DRC11: variants seen among roughly 807,000 people sequenced by gnomAD.
DRC11 encodes dynein regulatory complex subunit 11, also known as IQ and AAA domain-containing protein 1.
chr2:236,434,834 G>C, the DRC11 span, among the ~76,000 whole-genome samples: 1 of 152,112 alleles, frequency 6.6e-6, no homozygotes, highest in Non-Finnish European at 1.5e-5. The surrounding 1 kb of genome is among the most constrained non-coding windows in gnomAD (Gnocchi z 5.5). Flanking sequence ...CTGGATGCTT[G>C]CCATGGACTT....
At chr2:236,487,900 G>C in the DRC11 span, 2 of 691,856 alleles carry the variant, frequency 2.9e-6, no homozygotes, top group Non-Finnish European at 4.5e-6. Context: ...TTAAGGGTAG[G>C]ATTTGGTGTT....
the DRC11 span, among the ~76,000 whole-genome samples, chr2:236,479,547 T>C: frequency 1.3e-5 from 2 of 152,202 alleles, no homozygotes; most frequent in African/African-American, 4.8e-5. The surrounding 1 kb of genome is among the most constrained non-coding windows in gnomAD (Gnocchi z 4.1). Flanking sequence ...CAACAAGTCA[T>C]ATAAGTTATT....
the DRC11 span, among the ~76,000 whole-genome samples, chr2:236,343,285 G>A: frequency 2.5e-4 from 38 of 152,276 alleles, no homozygotes; most frequent in Non-Finnish European, 4.9e-4. The surrounding 1 kb of genome is among the most constrained non-coding windows in gnomAD (Gnocchi z 6.6). Context: ...GAACATTCCC[G>A]TTCCCCTTGC....
chr2:236,408,377 T>G, the DRC11 span: 3 of 751,736 alleles, frequency 4.0e-6, no homozygotes, highest in South Asian at 2.7e-5. The surrounding 1 kb of genome is among the most constrained non-coding windows in gnomAD (Gnocchi z 5.5). Flanking sequence ...TGTCAATGAC[T>G]TGTGACCCCT....
the DRC11 span, among the ~76,000 whole-genome samples, chr2:236,473,320 T>G: frequency 6.6e-6 from 1 of 152,174 alleles, no homozygotes; most frequent in Non-Finnish European, 1.5e-5. The surrounding 1 kb of genome is among the most constrained non-coding windows in gnomAD (Gnocchi z 4.8). Flanking sequence ...CCAAACAGAG[T>G]CTCGGGAGAG....
chr2:236,493,913 A>G, the DRC11 span: 4 of 1,562,702 alleles, frequency 2.6e-6, no homozygotes, highest in African/African-American at 4.1e-5. Flanking sequence ...AATAAAAAAG[A>G]GTATTTCCGT....
chr2:236,378,018 C>T, the DRC11 span, among the ~76,000 whole-genome samples: 1 of 152,200 alleles, frequency 6.6e-6, no homozygotes, highest in Non-Finnish European at 1.5e-5. Context: ...ATTGTAAATA[C>T]AACTTTATTT....
the DRC11 span, among the ~76,000 whole-genome samples, chr2:236,437,570 T>G: frequency 6.7e-6 from 1 of 150,328 alleles, no homozygotes; most frequent in Non-Finnish European, 1.5e-5. Context: ...AGTGTAAAAG[T>G]GTTCCTATTT....
the DRC11 span, among the ~76,000 whole-genome samples, chr2:236,370,890 C>G: frequency 3.9e-5 from 6 of 152,086 alleles, no homozygotes; most frequent in Non-Finnish European, 8.8e-5. This position sits in a 1 kb window ranked among gnomAD's most constrained non-coding sequence, Gnocchi z 5.5. Flanking sequence ...TTTGCATCCT[C>G]TGGCTCTGTT....
At chr2:236,401,688 G>A in the DRC11 span, among the ~76,000 whole-genome samples, 2 of 151,106 alleles carry the variant, frequency 1.3e-5, no homozygotes, top group South Asian at 4.2e-4. This position sits in a 1 kb window ranked among gnomAD's most constrained non-coding sequence, Gnocchi z 4.6. Context: ...CACAGTGTAT[G>A]ATCCCGTTTA....
chr2:236,431,838 T>A, the DRC11 span, among the ~76,000 whole-genome samples: 3 of 152,226 alleles, frequency 2.0e-5, no homozygotes, highest in African/African-American at 7.2e-5. The surrounding 1 kb of genome is among the most constrained non-coding windows in gnomAD (Gnocchi z 4.2). Flanking sequence ...CCAGTTGATA[T>A]GTATTTAAGC....
the DRC11 span, among the ~76,000 whole-genome samples, chr2:236,402,926 T>TTA: frequency 1.3e-5 from 2 of 152,196 alleles, no homozygotes; most frequent in Admixed American, 1.3e-4. The surrounding 1 kb of genome is among the most constrained non-coding windows in gnomAD (Gnocchi z 6.0). Context: ...CTCAGATATA[T>TTA]TATTTATCAT....
chr2:236,396,888 A>G, the DRC11 span, among the ~76,000 whole-genome samples: 47 of 152,190 alleles, frequency 3.1e-4, no homozygotes, highest in Non-Finnish European at 5.1e-4. Flanking sequence ...AGGACTTGGC[A>G]TTGCACTGTG....
the DRC11 span, among the ~76,000 whole-genome samples, chr2:236,488,896 G>T: frequency 1.5e-4 from 23 of 152,192 alleles, no homozygotes; most frequent in Non-Finnish European, 2.1e-4. Flanking sequence ...AGGGCTCCGG[G>T]TGCATGCTGG....
chr2:236,421,740 T>A, the DRC11 span, among the ~76,000 whole-genome samples: 12 of 152,188 alleles, frequency 7.9e-5, no homozygotes, highest in Non-Finnish European at 1.6e-4. Flanking sequence ...TACCAAAGCC[T>A]GGCAGAGACA....
chr2:236,467,974 A>T, the DRC11 span, among the ~76,000 whole-genome samples: 1 of 152,170 alleles, frequency 6.6e-6, no homozygotes, highest in Non-Finnish European at 1.5e-5. Flanking sequence ...TACAGTGTCC[A>T]CTCACCCCAT....
the DRC11 span, chr2:236,338,459 C>A: frequency 7.8e-7 from 1 of 1,287,070 alleles, no homozygotes; most frequent in Non-Finnish European, 1.1e-6. Context: ...ACTTAGGATG[C>A]ATTGCAGCAT....
At chr2:236,343,643 T>G in the DRC11 span, 1 of 1,062,778 alleles carries the variant, frequency 9.4e-7, no homozygotes, top group Non-Finnish European at 1.3e-6. The surrounding 1 kb of genome is among the most constrained non-coding windows in gnomAD (Gnocchi z 6.6). Flanking sequence ...GCCCTGCATT[T>G]CTCTTAGACG....
At chr2:236,414,316 AG>A in the DRC11 span, among the ~76,000 whole-genome samples, 2 of 152,026 alleles carry the variant, frequency 1.3e-5, no homozygotes, top group African/African-American at 2.4e-5. Context: ...CTAGATTCTG[AG>A]GATGTTTTTC....
Sources: allele counts gnomAD v4.1 joint callset (sites outside exome capture counted in the v4.1 genomes callset), GRCh38; gene constraint gnomAD v4.1.1; non-coding constraint Gnocchi (gnomAD v3.1); transcripts MANE v1.5; gene names NCBI Gene and HGNC (gene_info 2026-07-23, HGNC 2026-07-21).